Variants in NCOA3 observed in about 807,000 individuals in gnomAD.
NCOA3 encodes the protein CBP-interacting protein.
A neutral mutation model predicts 158.8 loss-of-function variants in NCOA3; 51 were observed. The observed-to-expected ratio is 0.32, with a 90% CI of 0.26 to 0.41. NCOA3 has a LOEUF of 0.41. Among genes scored for constraint, NCOA3 ranks in the 10% least tolerant of loss-of-function variants. NCOA3 has a pLI of 1.00. For missense variants in NCOA3, 1,510 were observed against 1,746.6 expected, an observed-to-expected ratio of 0.86 and a Z score of 2.41; for synonymous variants, 537 against 592.4, an observed-to-expected ratio of 0.91 and a Z score of 1.36.
Position 47,627,991 on chromosome 20 carries a change from C to T in NCOA3, c.791C>T (p.Pro264Leu), listed in dbSNP as rs199537888. Residue 264 changes from proline (P) to leucine (L), a missense_variant, in exon 8 of 23, where the codon CCT (proline) becomes CTT (leucine). Coordinates refer to ENST00000371998, the MANE Select transcript of NCOA3 (RefSeq NM_181659.3). ...GGAGAAAGAACATTTCCATCAAACC[C>T]TGAGAGCTTTATTACCAGACATGAT... ...TTGERTFPSN[P>L]ESFITRHDLS... is the part of the protein sequence containing the mutation. 1.2e-6 allele frequency: 2 copies of T among 1,613,814 alleles called. No homozygotes were observed. The highest frequency in any genetic ancestry group is 1.3e-5 in the African/African-American group (1 of 74,898).
intron 16 of NCOA3, among the ~76,000 whole-genome samples, chr20:47,641,099 A>G (rs1463669588): frequency 1.3e-5 from 2 of 151,968 alleles, no homozygotes; most frequent in Non-Finnish European, 2.9e-5. Context: ...ATTTATTTGA[A>G]TGCTTCTCTA....
chr20:47,585,567 C>A (rs2085522823), intron 2 of NCOA3, among the ~76,000 whole-genome samples: 1 of 152,110 alleles, frequency 6.6e-6, no homozygotes. Flanking sequence ...TTCATGTGTC[C>A]TGTATTTGTT....
rs371541797 is a variant in NCOA3 at position 47,639,666 on chromosome 20, A to G, written c.2797A>G (p.Met933Val). ...CTCAAAGGCCGGCAGAATGGAACCT[A>G]TGAATTCAAACTCCATGGGAAGACC... ...PNSKAGRMEP[M>V]NSNSMGRPGG... The change falls in exon 15 of 23, where the codon ATG (methionine) becomes GTG (valine). Residue 933 changes from methionine to valine, a missense_variant. Met to Val is a conservative substitution (Grantham distance 21, BLOSUM62 1). Coordinates refer to ENST00000371998, the MANE Select transcript of NCOA3 (RefSeq NM_181659.3). The G allele has an allele frequency of 9.3e-6, 15 of 1,613,960 alleles. No individual in the cohort carries two copies. Among genetic ancestry groups the G allele is most frequent in the African/African-American group, 1.3e-5 (1 of 74,934 alleles).
chr20:47,548,394 A>G (rs2084867416), intron 1 of NCOA3, among the ~76,000 whole-genome samples: 1 of 151,720 alleles, frequency 6.6e-6, no homozygotes, highest in South Asian at 2.1e-4. Context: ...AATACAAAAA[A>G]TTAGCTGGGC....
chr20:47,617,223 T>C (rs2086154543), intron 2 of NCOA3, among the ~76,000 whole-genome samples: 1 of 152,246 alleles, frequency 6.6e-6, no homozygotes, highest in African/African-American at 2.4e-5. Context: ...CCCAAAGTGC[T>C]GGGATTACAG....
At chr20:47,640,587 A>G (rs2086587729) in intron 16 of NCOA3, among the ~76,000 whole-genome samples, 1 of 152,164 alleles carries the variant, frequency 6.6e-6, no homozygotes, top group Admixed American at 6.5e-5. Flanking sequence ...TTTTCATAAA[A>G]TAAAGATTGT....
intron 1 of NCOA3, among the ~76,000 whole-genome samples, chr20:47,517,255 C>T (rs1023668357): frequency 2.0e-5 from 3 of 152,040 alleles, no homozygotes; most frequent in Non-Finnish European, 2.9e-5. Context: ...TTTACTATAA[C>T]GAAACAGTAC....
intron 2 of NCOA3, among the ~76,000 whole-genome samples, chr20:47,610,080 C>T (rs990824329): frequency 1.3e-5 from 2 of 151,966 alleles, no homozygotes; most frequent in Non-Finnish European, 2.9e-5. Flanking sequence ...ATGTTGAAAG[C>T]TTTTTTTATT....
At chr20:47,580,306 T>C (rs1409420797) in intron 1 of NCOA3, among the ~76,000 whole-genome samples, 1 of 152,056 alleles carries the variant, frequency 6.6e-6, no homozygotes, top group Non-Finnish European at 1.5e-5. Flanking sequence ...GGCTCATGCC[T>C]GTAATCCCAG....
chr20:47,546,620 C>G (rs908433496), intron 1 of NCOA3, among the ~76,000 whole-genome samples: 6 of 151,682 alleles, frequency 4.0e-5, no homozygotes, highest in Admixed American at 3.9e-4. Context: ...CAACCTCCGC[C>G]TCCCGCATTC....
intron 8 of NCOA3, among the ~76,000 whole-genome samples, chr20:47,631,686 C>G (rs941889644): frequency 1.3e-5 from 2 of 152,196 alleles, no homozygotes; most frequent in African/African-American, 4.8e-5. Context: ...ATTGTCCCTG[C>G]TGGCTTACTT....
chr20:47,626,046 C>G (rs2086316872), intron 5 of NCOA3, among the ~76,000 whole-genome samples: 1 of 152,222 alleles, frequency 6.6e-6, no homozygotes, highest in Non-Finnish European at 1.5e-5. Flanking sequence ...GGTCTTGGAA[C>G]CAACCTTACA....
chr20:47,619,027 A>G (rs562571470), intron 2 of NCOA3, among the ~76,000 whole-genome samples: 1 of 152,358 alleles, frequency 6.6e-6, no homozygotes, highest in African/African-American at 2.4e-5. Flanking sequence ...GCATTGAATG[A>G]TTGTTATAGA....
At chr20:47,621,853 A>G (rs1568732469) in intron 2 of NCOA3, among the ~76,000 whole-genome samples, 1 of 151,768 alleles carries the variant, frequency 6.6e-6, no homozygotes, top group South Asian at 2.1e-4. Context: ...GGGTTTCACC[A>G]TGTTGGCCAG....
chr20:47,526,479 C>T (rs937565604), intron 1 of NCOA3, among the ~76,000 whole-genome samples: 8 of 152,248 alleles, frequency 5.3e-5, no homozygotes, highest in Non-Finnish European at 1.2e-4. Flanking sequence ...CCATTGAGCA[C>T]TGAGTGAACG....
intron 17 of NCOA3, among the ~76,000 whole-genome samples, chr20:47,646,423 G>T (rs1469268751): frequency 6.6e-6 from 1 of 152,138 alleles, no homozygotes; most frequent in Non-Finnish European, 1.5e-5. Context: ...AAGCCTGCTT[G>T]GGGGGAAGGG....
intron 2 of NCOA3, among the ~76,000 whole-genome samples, chr20:47,593,481 A>G (rs1378249058): frequency 6.6e-6 from 1 of 150,724 alleles, no homozygotes; most frequent in Admixed American, 6.7e-5. Context: ...AGCTGCGACT[A>G]CAGGCGCCCG....
At chr20:47,583,725 G>A (rs2085488963) in intron 2 of NCOA3, among the ~76,000 whole-genome samples, 1 of 152,252 alleles carries the variant, frequency 6.6e-6, no homozygotes, top group East Asian at 1.9e-4. Flanking sequence ...AGAGGCTGAG[G>A]TGGTTAGATC....
intron 1 of NCOA3, among the ~76,000 whole-genome samples, chr20:47,510,872 C>T (rs763365963): frequency 2.1e-4 from 32 of 152,058 alleles, no homozygotes; most frequent in Non-Finnish European, 4.0e-4. Context: ...TGTGAGCCAT[C>T]GTGCCCAGTA....
Sources: gnomAD v4.1 joint callset for allele counts (sites outside exome capture counted in the v4.1 genomes callset) on GRCh38, gnomAD v4.1.1 for gene constraint, MANE v1.5 for transcripts, NCBI Gene and HGNC (gene_info 2026-07-23, HGNC 2026-07-21) for gene names.